POLR3B: variants seen among roughly 807,000 people sequenced by gnomAD.
The protein encoded by POLR3B is RNA polymerase III subunit B.
In POLR3B, 96 loss-of-function variants were observed where a neutral mutation model predicts 147.4. The ratio of observed to expected loss-of-function variants is 0.65; its 90% CI spans 0.55 to 0.77. The LOEUF (loss-of-function observed/expected upper bound fraction) is 0.77. Among genes scored for constraint, POLR3B ranks in the 30% least tolerant of loss-of-function variants. The probability of loss-of-function intolerance (pLI) is 0.00; values close to 1 mark genes in which losing one functional copy is unlikely to be tolerated. For synonymous variants in POLR3B, 461 were observed against 485.9 expected (o/e 0.95, Z 0.67); for missense variants, 1,036 against 1,413.5 (o/e 0.73, Z 4.28).
intron 19 of POLR3B, among the ~76,000 whole-genome samples, chr12:106,448,949 A>C (rs1433815697): frequency 6.6e-6 from 1 of 152,096 alleles, no homozygotes; most frequent in Non-Finnish European, 1.5e-5. Flanking sequence ...GTGGATCACG[A>C]TCAGGCTGCC....
At chr12:106,394,990 T>TTA (rs1241612605) in intron 10 of POLR3B, among the ~76,000 whole-genome samples, 3 of 152,164 alleles carry the variant, frequency 2.0e-5, no homozygotes, top group Admixed American at 6.5e-5. Context: ...TAAGTACACT[T>TTA]TATATTAGTC....
chr12:106,435,020 G>GA (rs1387666763), intron 16 of POLR3B, among the ~76,000 whole-genome samples: 32 of 152,318 alleles, frequency 2.1e-4, no homozygotes, highest in African/African-American at 7.5e-4. Flanking sequence ...CTACATGCAA[G>GA]AGACTGCCTG....
At chr12:106,456,404 C>T (rs1335753365) in intron 20 of POLR3B, among the ~76,000 whole-genome samples, 1 of 152,012 alleles carries the variant, frequency 6.6e-6, no homozygotes, top group East Asian at 1.9e-4. Flanking sequence ...CAGCCTTTCC[C>T]TCATCCACTA....
At chr12:106,374,338 C>G (rs2036648618) in intron 6 of POLR3B, among the ~76,000 whole-genome samples, 2 of 152,144 alleles carry the variant, frequency 1.3e-5, no homozygotes, top group Non-Finnish European at 2.9e-5. Context: ...CACCTCCAGC[C>G]TCCCTGGTAA....
intron 1 of POLR3B, among the ~76,000 whole-genome samples, chr12:106,358,956 G>A (rs781626218): frequency 1.3e-5 from 2 of 152,210 alleles, no homozygotes; most frequent in Non-Finnish European, 2.9e-5. Context: ...AGGCGTGGTG[G>A]CCTGTAATAC....
intron 10 of POLR3B, among the ~76,000 whole-genome samples, chr12:106,396,854 G>T (rs1180249955): frequency 6.6e-6 from 1 of 151,984 alleles, no homozygotes; most frequent in Non-Finnish European, 1.5e-5. Flanking sequence ...CACTTTGGGA[G>T]GCCCAGGCAG....
chr12:106,370,327 T>C (rs552176807), intron 6 of POLR3B, among the ~76,000 whole-genome samples: 10 of 152,314 alleles, frequency 6.6e-5, no homozygotes, highest in Admixed American at 2.0e-4. Flanking sequence ...TCACTTCTTA[T>C]GTATGATGCT....
In POLR3B at chr12:106,359,940, C is replaced by G. The variant is rs142720107; in HGVS notation, c.72+1989C>G. Among the ~76,000 whole-genome samples, 986 of 152,282 alleles carry G rather than the reference C, an allele frequency of 6.5e-3. 13 individuals are homozygous for G. The highest frequency in any genetic ancestry group is 0.022 in the African/African-American group (915 of 41,560). The stretch of plus-strand genomic sequence containing the variant: ...AAATAAGCCTGGGAGATTTCTATTT[C>G]TTATCTGAATTTACACAGCTATGAA... On this transcript the variant is annotated intron_variant, in intron 1 of 27. Transcript: ENST00000228347.
chr12:106,502,868 A>C (rs2038624098), intron 26 of POLR3B, among the ~76,000 whole-genome samples: 2 of 152,246 alleles, frequency 1.3e-5, no homozygotes, highest in Admixed American at 1.3e-4. Context: ...ACTATTTCAG[A>C]GTAACATAAA....
chr12:106,504,809 G>T lies in POLR3B; in HGVS notation c.3272+555G>T, dbSNP rs192001646. 3.3e-5 allele frequency among the ~76,000 whole-genome samples: 5 copies of T among 152,188 alleles called. No individual in the cohort carries two copies. The South Asian group carries it at 1.0e-3, about 32-fold the overall frequency. On this transcript the variant is annotated intron_variant, in intron 27 of 27. Transcript: ENST00000228347. This position sits in a 1 kb window ranked among gnomAD's most constrained non-coding sequence, Gnocchi z 4.6. ...TTCTGTGAGGGCAGAAACCGGGTCT[G>T]TCTCAGTAATTTATTCAGCAAACAT...
At chr12:106,487,355 G>T (rs921244385) in intron 23 of POLR3B, among the ~76,000 whole-genome samples, 1 of 152,162 alleles carries the variant, frequency 6.6e-6, no homozygotes, top group Non-Finnish European at 1.5e-5. Context: ...ATGTAGAATT[G>T]TTTGGAAATC....
chr12:106,463,425 T>C (rs946869457), intron 22 of POLR3B, 53 bp from the exon 23 acceptor site: 69 of 1,543,340 alleles, frequency 4.5e-5, no homozygotes, highest in Non-Finnish European at 6.0e-5. Context: ...GGGTGAGAAG[T>C]TCACAAAGGG....
At chr12:106,426,750 A>G (rs2037442401) in intron 12 of POLR3B, among the ~76,000 whole-genome samples, 1 of 150,272 alleles carries the variant, frequency 6.7e-6, no homozygotes, top group Non-Finnish European at 1.5e-5. Flanking sequence ...ACTGTTTCCT[A>G]AGTGATTGTA....
chr12:106,464,262 G>A (rs1009719633), intron 23 of POLR3B, among the ~76,000 whole-genome samples: 1 of 152,118 alleles, frequency 6.6e-6, no homozygotes, highest in South Asian at 2.1e-4. Context: ...CAAGAAACAC[G>A]CACTGTATCA....
chr12:106,374,397 G>A (rs1473541515), intron 6 of POLR3B, among the ~76,000 whole-genome samples: 3 of 151,910 alleles, frequency 2.0e-5, no homozygotes, highest in Admixed American at 6.6e-5. Context: ...TGTATTTTTT[G>A]TAGAGACGGG....
At chr12:106,484,048 G>A (rs910776766) in intron 23 of POLR3B, among the ~76,000 whole-genome samples, 2 of 152,154 alleles carry the variant, frequency 1.3e-5, no homozygotes, top group Non-Finnish European at 2.9e-5. Context: ...GGTGAGCTGC[G>A]GGCAGGTCTG....
rs527684461 is a variant in POLR3B, at chr12:106,484,145, G to A, written c.2714-11910G>A. On this transcript the variant is annotated intron_variant, in intron 23 of 27. Coordinates refer to ENST00000228347, the MANE Select transcript of POLR3B (RefSeq NM_018082.6). ...AGGCTTAGAGGGCTTTGATAAAGAT[G>A]TGAAAGAAAAACAGGGGGCAGCAGA... Among the ~76,000 whole-genome samples the A allele has an allele frequency of 5.3e-5, 8 of 152,272 alleles. No homozygotes were observed. The East Asian group carries it at 1.4e-3, about 26-fold the overall frequency.
At chr12:106,369,210 A>G in intron 4 of POLR3B, 65 bp from the exon 5 acceptor site, 2 of 858,596 alleles carry the variant, frequency 2.3e-6, no homozygotes, top group Middle Eastern at 2.2e-4. Context: ...TGGAAGGAAA[A>G]TAGCTTGTTT....
chr12:106,427,443 T>C, intron 13 of POLR3B, 85 bp downstream of exon 13: 1 of 1,208,716 alleles, frequency 8.3e-7, no homozygotes, highest in Non-Finnish European at 1.2e-6. Flanking sequence ...ACTTTGAGAA[T>C]CCAGGTGAAA....
Sources: gnomAD v4.1 joint callset for allele counts (sites outside exome capture counted in the v4.1 genomes callset) on GRCh38, gnomAD v4.1.1 for gene constraint, Gnocchi (gnomAD v3.1) non-coding constraint, MANE v1.5 for transcripts, NCBI Gene and HGNC (gene_info 2026-07-23, HGNC 2026-07-21) for gene names.